Variants in PHACTR4 observed in about 807,000 individuals in gnomAD.
PHACTR4 encodes protein phosphatase 1, regulatory subunit 124.
Under a neutral mutation model 72.7 loss-of-function variants are expected in PHACTR4, and 51 were observed. The observed-to-expected ratio is 0.70, with a 90% CI of 0.56 to 0.89. The LOEUF is 0.89. Ranked by LOEUF, PHACTR4 falls within the 40% of genes least tolerant of loss-of-function variation. PHACTR4 has a pLI of 0.00. For missense variants in PHACTR4, 731 were observed against 861.8 expected (o/e 0.85, Z 1.90); for synonymous variants, 255 against 302.5 (o/e 0.84, Z 1.63).
chr1:28,403,769 C>T (rs12095954), intron 1 of PHACTR4, among the ~76,000 whole-genome samples: 39,394 of 151,844 alleles, frequency 0.26, 5,256 homozygotes, highest in Middle Eastern at 0.35. Context: ...CATAGGCCAC[C>T]GCAAACTTTC....
chr1:28,464,752 G>A (rs554797947), intron 4 of PHACTR4, among the ~76,000 whole-genome samples: 6 of 152,056 alleles, frequency 3.9e-5, no homozygotes, highest in Admixed American at 2.6e-4. Flanking sequence ...TGCCCAGGCT[G>A]GAGTGCAATG....
At chr1:28,396,841 C>A (rs1402034000) in intron 1 of PHACTR4, among the ~76,000 whole-genome samples, 1 of 90,006 alleles carries the variant, frequency 1.1e-5, no homozygotes, top group African/African-American at 4.9e-5. Flanking sequence ...TTCTTTCTTT[C>A]TTTCTTTTTT....
chr1:28,448,332 G>A (rs1220352073), intron 2 of PHACTR4, among the ~76,000 whole-genome samples: 1 of 151,630 alleles, frequency 6.6e-6, no homozygotes, highest in Non-Finnish European at 1.5e-5. Context: ...CTGACCTCAG[G>A]TGATCACACC....
rs36099122 is a variant in PHACTR4, at chr1:28,473,765, C to A, written c.1035C>A (p.Pro345=). The A allele has an allele frequency of 0.039, 62,809 of 1,613,894 alleles. 4,105 individuals carry two copies. Among genetic ancestry groups the A allele is most frequent in the African/African-American group, 0.3 (22,444 of 74,894 alleles). ...LPMISPRSPS[P]PLPTHIPPEP... Reference sequence around the variant, plus strand: ...TGATCTCACCTCGCTCTCCGTCCCCCCCACTGCCTACTCATATACCTCCAG... The same window carrying A: ...TGATCTCACCTCGCTCTCCGTCCCCACCACTGCCTACTCATATACCTCCAG... Residue 345 remains proline, a synonymous_variant, in exon 7 of 14, where the codon CCC becomes CCA. Transcript: ENST00000373839.
chr1:28,411,183 A>G (rs552156356), intron 2 of PHACTR4, among the ~76,000 whole-genome samples: 1 of 151,466 alleles, frequency 6.6e-6, no homozygotes, highest in Non-Finnish European at 1.5e-5. Context: ...AGTAGCTGGG[A>G]CTACAGGCAC....
intron 1 of PHACTR4, among the ~76,000 whole-genome samples, chr1:28,393,828 C>G (rs1653254753): frequency 6.6e-6 from 1 of 152,078 alleles, no homozygotes; most frequent in Non-Finnish European, 1.5e-5. Flanking sequence ...ACCTCAGCCT[C>G]CCAAGTAGCT....
At chr1:28,493,147 G>A in intron 13 of PHACTR4, 56 bp downstream of exon 13, 2 of 1,469,592 alleles carry the variant, frequency 1.4e-6, no homozygotes, top group African/African-American at 1.4e-5. Flanking sequence ...CCAAAAAATT[G>A]TTCAGATATG....
chr1:28,422,981 G>T (rs1655604549), intron 2 of PHACTR4, among the ~76,000 whole-genome samples: 1 of 152,210 alleles, frequency 6.6e-6, no homozygotes, highest in South Asian at 2.1e-4. Flanking sequence ...TAGAGACGGG[G>T]TTTCCCCATG....
At chr1:28,486,004 A>AC (rs1557848334) in intron 9 of PHACTR4, among the ~76,000 whole-genome samples, 1 of 152,060 alleles carries the variant, frequency 6.6e-6, no homozygotes, top group Non-Finnish European at 1.5e-5. Flanking sequence ...AATTTAAAAA[A>AC]ACACACACAA....
intron 2 of PHACTR4, among the ~76,000 whole-genome samples, chr1:28,419,467 T>A (rs989940074): frequency 6.6e-6 from 1 of 151,796 alleles, no homozygotes; most frequent in Non-Finnish European, 1.5e-5. Context: ...TATAAAGTGA[T>A]ACATGTATGT....
intron 6 of PHACTR4, among the ~76,000 whole-genome samples, chr1:28,472,185 C>T (rs547893188): frequency 7.2e-4 from 108 of 150,120 alleles, no homozygotes; most frequent in African/African-American, 2.6e-3. Context: ...TGCACTCCAG[C>T]CTGGGCGACA....
At chr1:28,490,544 G>GA (rs1438537354) in intron 10 of PHACTR4, among the ~76,000 whole-genome samples, 2 of 142,640 alleles carry the variant, frequency 1.4e-5, no homozygotes, top group South Asian at 2.2e-4. Flanking sequence ...AAAAAAAAAA[G>GA]AAAAAAAAAG....
intron 1 of PHACTR4, among the ~76,000 whole-genome samples, chr1:28,401,323 G>T (rs988079763): frequency 4.9e-5 from 7 of 143,594 alleles, no homozygotes; most frequent in Non-Finnish European, 9.1e-5. Flanking sequence ...TTTTTTTTGG[G>T]GGGGATGGAG....
At chr1:28,437,757 T>C (rs1436123299) in intron 2 of PHACTR4, among the ~76,000 whole-genome samples, 3 of 152,170 alleles carry the variant, frequency 2.0e-5, no homozygotes, top group Non-Finnish European at 2.9e-5. Context: ...AAAGAACCCA[T>C]TTCCTATCAC....
At chr1:28,443,689 A>C (rs539718046) in intron 2 of PHACTR4, among the ~76,000 whole-genome samples, 1 of 152,168 alleles carries the variant, frequency 6.6e-6, no homozygotes, top group Admixed American at 6.6e-5. Context: ...ACCTGGACTC[A>C]AGTGATCTTC....
At chr1:28,493,289 G>A (rs1055744827) in intron 13 of PHACTR4, among the ~76,000 whole-genome samples, 198 bp downstream of exon 13, 2 of 152,194 alleles carry the variant, frequency 1.3e-5, no homozygotes, top group South Asian at 2.1e-4. Context: ...TGTAATCCCA[G>A]TACTTTGGGA....
chr1:28,439,715 C>G lies in PHACTR4; in HGVS notation c.17-19370C>G, dbSNP rs144370766. Among the ~76,000 whole-genome samples the G allele has an allele frequency of 2.2e-3, 342 of 152,316 alleles. 1 individual carries two copies. The highest frequency in any genetic ancestry group is 7.9e-3 in the African/African-American group (329 of 41,564). On this transcript the variant is annotated intron_variant, in intron 2 of 13. Coordinates refer to ENST00000373839, the MANE Select transcript of PHACTR4 (RefSeq NM_001048183.3). ...AACATAAAGATAAACCTCACACTAT[C>G]CTTCTCTTCTGCATTCCCTTCTGAT...
chr1:28,380,050 A>ATTTTTTTTTTTTT, intron 1 of PHACTR4, among the ~76,000 whole-genome samples: 1 of 128,076 alleles, frequency 7.8e-6, no homozygotes, highest in Non-Finnish European at 1.6e-5. Context: ...TTTAAATGTA[A>ATTTTTTTTTTTTT]CTTTTTTTTT....
chr1:28,412,860 G>C (rs919505847), intron 2 of PHACTR4, among the ~76,000 whole-genome samples: 73 of 152,304 alleles, frequency 4.8e-4, no homozygotes, highest in African/African-American at 1.7e-3. Flanking sequence ...CAGGGTTTCA[G>C]TGTGGACTAG....
Sources: allele counts gnomAD v4.1 joint callset (sites outside exome capture counted in the v4.1 genomes callset), GRCh38; gene constraint gnomAD v4.1.1; transcripts MANE v1.5; gene names NCBI Gene and HGNC (gene_info 2026-07-23, HGNC 2026-07-21).